Variants in FAF1 observed in about 807,000 individuals in gnomAD.
FAF1 encodes the protein Fas associated factor 1, also known as FAS-associated factor 1.
FAF1 carries 25 observed loss-of-function variants against 92.5 expected under a neutral mutation model. The ratio of observed to expected loss-of-function variants is 0.27; its 90% CI spans 0.20 to 0.38. The LOEUF (loss-of-function observed/expected upper bound fraction) is 0.38. FAF1 is among the 10% of genes least tolerant of loss of function. The pLI, the probability that FAF1 is intolerant of heterozygous loss-of-function variation, is 1.00. For synonymous variants in FAF1, 234 were observed against 273.2 expected, an observed-to-expected ratio of 0.86 and a Z score of 1.42; for missense variants, 636 against 793.3, an observed-to-expected ratio of 0.80 and a Z score of 2.38.
intron 17 of FAF1, among the ~76,000 whole-genome samples, chr1:50,483,434 T>A (rs1572774638): frequency 6.6e-6 from 1 of 152,156 alleles, no homozygotes; most frequent in African/African-American, 2.4e-5. Context: ...GTTTTCTTTT[T>A]CAAAATTGTT....
chr1:50,785,648 A>G (rs1226232305), intron 4 of FAF1, among the ~76,000 whole-genome samples: 1 of 152,094 alleles, frequency 6.6e-6, no homozygotes, highest in African/African-American at 2.4e-5. Context: ...GAAAGAAAAG[A>G]GAAAAGAAAA....
intron 13 of FAF1, among the ~76,000 whole-genome samples, chr1:50,540,294 C>A (rs573905439): frequency 6.6e-6 from 1 of 152,196 alleles, no homozygotes; most frequent in African/African-American, 2.4e-5. Flanking sequence ...TTAAACACTA[C>A]AACACTACCT....
chr1:50,449,653 T>G (rs1646271155), intron 18 of FAF1, among the ~76,000 whole-genome samples: 1 of 151,258 alleles, frequency 6.6e-6, no homozygotes, highest in South Asian at 2.1e-4. Flanking sequence ...CCATGCCCAA[T>G]TAATTTTTGT....
At chr1:50,830,658 A>ATTT (rs59396661) in intron 2 of FAF1, among the ~76,000 whole-genome samples, 3 of 143,814 alleles carry the variant, frequency 2.1e-5, no homozygotes, top group Non-Finnish European at 3.1e-5. Flanking sequence ...CCAGTGCTCA[A>ATTT]TTTTTTTTTT....
chr1:50,799,191 C>T (rs1661878694), intron 3 of FAF1, among the ~76,000 whole-genome samples: 1 of 152,206 alleles, frequency 6.6e-6, no homozygotes, highest in African/African-American at 2.4e-5. Context: ...GAGGATAGAG[C>T]ATGGCTTTTA....
intron 17 of FAF1, among the ~76,000 whole-genome samples, chr1:50,481,906 A>G (rs1226842249): frequency 1.3e-5 from 2 of 152,014 alleles, no homozygotes; most frequent in Non-Finnish European, 2.9e-5. Flanking sequence ...GCAAGGGGAG[A>G]GGGGTAGGAG....
At chr1:50,702,128 A>G (rs1015355509) in intron 7 of FAF1, among the ~76,000 whole-genome samples, 4 of 152,106 alleles carry the variant, frequency 2.6e-5, no homozygotes, top group African/African-American at 9.7e-5. Context: ...GGCCGATAAC[A>G]AAGAATCAGT....
At chr1:50,756,768 G>A (rs1375171758) in intron 4 of FAF1, among the ~76,000 whole-genome samples, 3 of 152,178 alleles carry the variant, frequency 2.0e-5, no homozygotes, top group Non-Finnish European at 4.4e-5. Context: ...GATGGCAGCA[G>A]GCAAAGAGAG....
At position 50,738,367 on chromosome 1, in the gene FAF1, C is replaced by T. The variant is rs186835490; in HGVS notation, c.551+496G>A. ...CTGAGGGAGGGGAATCACTTGAATC[C>T]GGGAGGCAGAGGTTGCGGTGAGCCA... On this transcript the variant is annotated intron_variant, in intron 6 of 18. Transcript: ENST00000396153. Among the ~76,000 whole-genome samples, 1,276 of 145,202 alleles carry T rather than the reference C, an allele frequency of 8.8e-3. 16 individuals carry two copies. The highest frequency in any genetic ancestry group is 8.5e-3 in the Non-Finnish European group (569 of 67,046).
At chr1:50,766,239 T>C (rs561395929) in intron 4 of FAF1, among the ~76,000 whole-genome samples, 6 of 152,370 alleles carry the variant, frequency 3.9e-5, no homozygotes, top group African/African-American at 1.2e-4. Flanking sequence ...AAATTTCTTC[T>C]TTGTTCTATT....
intron 1 of FAF1, among the ~76,000 whole-genome samples, chr1:50,904,521 T>C (rs1644820046): frequency 6.6e-6 from 1 of 152,228 alleles, no homozygotes. Context: ...GATTTTATGT[T>C]ATGTATACTT....
At chr1:50,652,236 A>G (rs890151616) in intron 8 of FAF1, among the ~76,000 whole-genome samples, 1 of 152,342 alleles carries the variant, frequency 6.6e-6, no homozygotes, top group East Asian at 1.9e-4. Flanking sequence ...AAACAGTTTT[A>G]GCTGCTTTCC....
intron 1 of FAF1, among the ~76,000 whole-genome samples, chr1:50,895,115 A>G (rs1241823239): frequency 6.6e-6 from 1 of 152,144 alleles, no homozygotes; most frequent in African/African-American, 2.4e-5. Flanking sequence ...GAAAAGAAAA[A>G]AAAATTGACA....
In FAF1 at chr1:50,549,044, A is replaced by C. The variant is rs1649165291; in HGVS notation, c.1269-9316T>G. Among the ~76,000 whole-genome samples, 4 of 152,328 alleles carry C rather than the reference A, an allele frequency of 2.6e-5. No homozygotes were observed. The South Asian group carries it at 8.3e-4, about 32-fold the overall frequency. On this transcript the variant is annotated intron_variant, in intron 13 of 18. Transcript: ENST00000396153. ...ACCCCCATCTCTCCAAATTAAAGGTATGGTGAAATGTTTCCTAAAATAAGT... is the reference window on the plus strand; with the variant it reads ...ACCCCCATCTCTCCAAATTAAAGGTCTGGTGAAATGTTTCCTAAAATAAGT...
In FAF1 at chr1:50,628,799, C is replaced by G. The variant is rs553318682; in HGVS notation, c.744+26643G>C. Among the ~76,000 whole-genome samples the G allele has an allele frequency of 5.9e-5, 9 of 152,114 alleles. No individual in the cohort carries two copies. In the South Asian group the frequency reaches 1.9e-3, roughly 32 times the overall value. On this transcript the variant is annotated intron_variant, in intron 8 of 18. Coordinates refer to ENST00000396153, the MANE Select transcript of FAF1 (RefSeq NM_007051.3). ...TAGCATGCTCATCATGAGTTGCTACCCAGTGAACATTATTCACCTAAAGAA... is the reference window on the plus strand; with the variant it reads ...TAGCATGCTCATCATGAGTTGCTACGCAGTGAACATTATTCACCTAAAGAA...
chr1:50,601,721 TATATATTCATATACACAC>T (rs1346053639), intron 8 of FAF1, among the ~76,000 whole-genome samples: 53 of 142,854 alleles, frequency 3.7e-4, no homozygotes, highest in Non-Finnish European at 7.3e-4. Context: ...ACACACACTA[TATATATTCATATACACAC>T]ATATATTCAT....
At chr1:50,547,992 G>C (rs887425571) in intron 13 of FAF1, among the ~76,000 whole-genome samples, 2 of 152,164 alleles carry the variant, frequency 1.3e-5, no homozygotes, top group African/African-American at 4.8e-5. Context: ...AGGGATAATA[G>C]AGAACATCTA....
At chr1:50,852,400 CTA>C (rs1331660443) in intron 2 of FAF1, among the ~76,000 whole-genome samples, 1 of 152,188 alleles carries the variant, frequency 6.6e-6, no homozygotes, top group Non-Finnish European at 1.5e-5. Flanking sequence ...TAGGCAATTA[CTA>C]TATGTCACAG....
chr1:50,561,969 G>A (rs1345628198), intron 13 of FAF1, among the ~76,000 whole-genome samples: 1 of 152,190 alleles, frequency 6.6e-6, no homozygotes, highest in Non-Finnish European at 1.5e-5. Context: ...GATAGACAAT[G>A]ACCATACAAT....
Sources: gnomAD v4.1 joint callset for allele counts (sites outside exome capture counted in the v4.1 genomes callset) on GRCh38, gnomAD v4.1.1 for gene constraint, MANE v1.5 for transcripts, NCBI Gene and HGNC (gene_info 2026-07-23, HGNC 2026-07-21) for gene names.